ZNF737: variants seen among roughly 807,000 people sequenced by gnomAD.
ZNF737 encodes the protein zinc finger protein 737.
A neutral mutation model predicts 11.7 loss-of-function variants in ZNF737; 13 were observed. That is an observed-to-expected ratio of 1.11 (90% CI 0.73 to 1.77). The LOEUF (loss-of-function observed/expected upper bound fraction) is 1.77. Among genes scored for constraint, ZNF737 ranks in the 40% most tolerant of loss-of-function variants. The probability of loss-of-function intolerance (pLI) is 0.00; values close to 1 mark genes in which losing one functional copy is unlikely to be tolerated. For missense variants in ZNF737, 636 were observed against 638.0 expected, an observed-to-expected ratio of 1.00 and a Z score of 0.03; for synonymous variants, 217 against 216.2, an observed-to-expected ratio of 1.00 and a Z score of -0.03.
Position 20,553,695 on chromosome 19 carries a change from A to C in ZNF737, c.130+14T>G. ...TTGTGTATATTATGAATTATGTATT[A>C]AAGTTTTTCTCACCAAGGAAGACCA... On this transcript the variant is annotated intron_variant, in intron 2 of 3. Coordinates refer to ENST00000427401, the MANE Select transcript of ZNF737 (RefSeq NM_001159293.2). 3.1e-6 allele frequency: 5 copies of C among 1,611,044 alleles called. No homozygotes were observed. The highest frequency in any genetic ancestry group is 4.2e-6 in the Non-Finnish European group (5 of 1,178,068).
rs1555754878 is a variant in ZNF737 at position 20,540,584 on chromosome 19, C to T, written c.*4008G>A. Among the ~76,000 whole-genome samples, 1 of 152,056 alleles carries T rather than the reference C, an allele frequency of 6.6e-6. No individual in the cohort carries two copies. Among genetic ancestry groups the T allele is most frequent in the African/African-American group, 2.4e-5 (1 of 41,412 alleles). On this transcript the variant is annotated 3_prime_UTR_variant, in exon 4 of 4. Transcript: ENST00000427401. Reference sequence around the variant, plus strand: ...GACCAGCCTGGCCAACATGATGAAACCCTGTCTCTACTAAAAATACAAAAA... The same window carrying T: ...GACCAGCCTGGCCAACATGATGAAATCCTGTCTCTACTAAAAATACAAAAA...
downstream of ZNF737, among the ~76,000 whole-genome samples, chr19:20,533,949 C>G (rs75962983): frequency 1.0e-3 from 154 of 150,152 alleles, 9 homozygotes; most frequent in African/African-American, 3.6e-3. Flanking sequence ...CTGTGCTAAA[C>G]TAATGGGCTC....
chr19:20,553,708 C>T lies in ZNF737; in HGVS notation c.130+1G>A. 6.2e-7 allele frequency: 1 copy of T among 1,613,294 alleles called. No individual in the cohort carries two copies. The highest frequency in any genetic ancestry group is 1.3e-5 in the African/African-American group (1 of 75,006). ...GAATTATGTATTAAAGTTTTTCTCA[C>T]CAAGGAAGACCAGGTTTCTGTAGTT... On this transcript the variant is annotated splice_donor_variant, in intron 2 of 3. Transcript: ENST00000427401. LOFTEE classifies it high-confidence loss of function.
Position 20,539,931 on chromosome 19 carries a change from T to C in ZNF737, c.*4661A>G. On this transcript the variant is annotated 3_prime_UTR_variant, in exon 4 of 4. Coordinates refer to ENST00000427401, the MANE Select transcript of ZNF737 (RefSeq NM_001159293.2). ...CAGCTTACTAAATACTGTTCCATAATGCCAGTGAGCACTTTTACCCAGGTT... is the reference window on the plus strand; with the variant it reads ...CAGCTTACTAAATACTGTTCCATAACGCCAGTGAGCACTTTTACCCAGGTT... The C allele has an allele frequency of 1.0e-6, 1 of 984,204 alleles. No individual in the cohort carries two copies. The allele number at this position is 984,204 out of a possible 1,614,324, so 61.0% of individuals were successfully genotyped here. A position where few individuals can be genotyped will look rare whatever the true frequency, so the allele number is the denominator to read the frequency against.
At chr19:20,553,061 G>T (rs1454903488) in intron 2 of ZNF737, among the ~76,000 whole-genome samples, 1 of 151,302 alleles carries the variant, frequency 6.6e-6, no homozygotes, top group African/African-American at 2.4e-5. Flanking sequence ...CTTTCAATTT[G>T]TAGGTTTCTT....
chr19:20,537,547 T>C (rs1388244928), downstream of ZNF737, among the ~76,000 whole-genome samples: 1 of 115,658 alleles, frequency 8.6e-6, no homozygotes, highest in Non-Finnish European at 1.7e-5. Context: ...AGACAGAGTC[T>C]CATCTGTCGC....
downstream of ZNF737, among the ~76,000 whole-genome samples, chr19:20,533,042 C>A (rs2122430009): frequency 6.7e-6 from 1 of 150,114 alleles, no homozygotes; most frequent in Middle Eastern, 3.6e-3. Context: ...AATAAGTATT[C>A]TCATATTTAG....
At chr19:20,534,664 C>T (rs541307499), downstream of ZNF737, among the ~76,000 whole-genome samples, 8 of 149,876 alleles carry the variant, frequency 5.3e-5, 1 homozygote, top group African/African-American at 2.0e-4. Flanking sequence ...TTATACATAT[C>T]AAAAAATCTA....
downstream of ZNF737, among the ~76,000 whole-genome samples, chr19:20,534,723 T>C (rs1967916904): frequency 6.7e-6 from 1 of 149,852 alleles, no homozygotes; most frequent in Non-Finnish European, 1.5e-5. Flanking sequence ...TGTGTTAAAC[T>C]TCACGAGATT....
downstream of ZNF737, among the ~76,000 whole-genome samples, chr19:20,534,610 A>G (rs1555753495): frequency 6.7e-6 from 1 of 150,162 alleles, no homozygotes; most frequent in Non-Finnish European, 1.5e-5. Context: ...CTTGTAAATA[A>G]TGTTGTCAGT....
intron 1 of ZNF737, among the ~76,000 whole-genome samples, chr19:20,554,136 C>T (rs1428895909): frequency 6.6e-6 from 1 of 152,118 alleles, no homozygotes; most frequent in Non-Finnish European, 1.5e-5. Flanking sequence ...ATGGAATGAG[C>T]TGTGAATATT....
chr19:20,538,710 C>T lies in ZNF737; in HGVS notation c.*5882G>A. 1 of 985,364 alleles carries T rather than the reference C, an allele frequency of 1.0e-6. No homozygotes were observed. Among genetic ancestry groups the T allele is most frequent in the Non-Finnish European group, 1.2e-6 (1 of 829,922 alleles). The allele number at this position is 985,364 out of a possible 1,614,324, so 61.0% of individuals were successfully genotyped here. On this transcript the variant is annotated 3_prime_UTR_variant, in exon 4 of 4. Transcript: ENST00000427401. Reference sequence around the variant, plus strand: ...TCTGTAAAGAGACAGTAAGGAAATGCTGAGTGGAGGCACCACACTGCACAT... The same window carrying T: ...TCTGTAAAGAGACAGTAAGGAAATGTTGAGTGGAGGCACCACACTGCACAT...
At position 20,545,973 on chromosome 19, in the gene ZNF737, G is replaced by T; in HGVS notation, c.230C>A (p.Thr77Lys). Residue 77 changes from threonine to lysine, a missense_variant, in exon 4 of 4, where the codon ACG (threonine) becomes AAG (lysine). By Grantham distance (78) the Thr-to-Lys change is moderately conservative. Transcript: ENST00000427401. ...AAGATCTCGGGCAAAATGAGAACACGTAACTGAAAGAAACAATAAAAGCAC... is the reference window on the plus strand; with the variant it reads ...AAGATCTCGGGCAAAATGAGAACACTTAACTGAAAGAAACAATAAAAGCAC... Reference protein sequence around the residue: ...KHEMVANPSVTCSHFARDLWP... With the variant: ...KHEMVANPSVKCSHFARDLWP... 1.9e-6 allele frequency: 3 copies of T among 1,539,046 alleles called. No individual in the cohort carries two copies. The highest frequency in any genetic ancestry group is 2.3e-5 in the East Asian group (1 of 44,420).
rs191952380 is a variant in ZNF737 at position 20,544,437 on chromosome 19, T to C, written c.*155A>G. 2.0e-5 allele frequency: 30 copies of C among 1,466,084 alleles called. 1 individual carries two copies. In the East Asian group the frequency reaches 7.0e-4, roughly 34 times the overall value. The allele number at this position is 1,466,084 out of a possible 1,614,324, so 90.8% of individuals were successfully genotyped here. A position where few individuals can be genotyped will look rare whatever the true frequency, so the allele number is the denominator to read the frequency against. On this transcript the variant is annotated 3_prime_UTR_variant, in exon 4 of 4. Transcript: ENST00000427401. Reference sequence around the variant, plus strand: ...GCATTTTCTTATTTGTTGGGTTTCTTTCCCGCATGAATTATCTAATGTCTA... The same window carrying C: ...GCATTTTCTTATTTGTTGGGTTTCTCTCCCGCATGAATTATCTAATGTCTA...
In ZNF737 at chr19:20,541,350, TAA is replaced by T. The variant is rs1483403411; in HGVS notation, c.*3240_*3241del. On this transcript the variant is annotated 3_prime_UTR_variant, in exon 4 of 4. Coordinates refer to ENST00000427401, the MANE Select transcript of ZNF737 (RefSeq NM_001159293.2). ...TATTTAACTCTATGTAAATTAAAAC[TAA>T]AAGTCTATGTGTTTGCAGGCAGAGA... is the stretch of plus-strand genomic sequence containing the variant. 28 of 983,832 alleles carry T rather than the reference TAA, an allele frequency of 2.8e-5. No homozygotes were observed. Among genetic ancestry groups the T allele is most frequent in the Non-Finnish European group, 3.4e-5 (28 of 828,618 alleles). The allele number at this position is 983,832 out of a possible 1,614,324, so 60.9% of individuals were successfully genotyped here. A position where few individuals can be genotyped will look rare whatever the true frequency, so the allele number is the denominator to read the frequency against.
At chr19:20,554,735 G>A (rs2545953) in intron 1 of ZNF737, among the ~76,000 whole-genome samples, 76,472 of 151,988 alleles carry the variant, frequency 0.5, 19,718 homozygotes, top group East Asian at 0.62. Flanking sequence ...GATAACTCCT[G>A]TGTTCTGTAA....
At chr19:20,557,058 G>T (rs1333244791) in intron 1 of ZNF737, among the ~76,000 whole-genome samples, 2 of 152,148 alleles carry the variant, frequency 1.3e-5, no homozygotes, top group African/African-American at 4.8e-5. Context: ...AAAGAAAGAG[G>T]TTAATGTAGT....
chr19:20,532,434 T>C (rs1489670053), downstream of ZNF737, among the ~76,000 whole-genome samples: 1 of 149,928 alleles, frequency 6.7e-6, no homozygotes, highest in Non-Finnish European at 1.5e-5. Context: ...ATGTGACTCA[T>C]TTTGTGTGTA....
Position 20,538,584 on chromosome 19 carries a change from AAAATT to A in ZNF737, c.*6003_*6007del. On this transcript the variant is annotated 3_prime_UTR_variant, in exon 4 of 4. Coordinates refer to ENST00000427401, the MANE Select transcript of ZNF737 (RefSeq NM_001159293.2). ...AAAAGTAAAAATGGCCTTGCTAAGA[AAAATT>A]AAATTTATTTTCAAGTGCTATTTCT... 1 of 957,634 alleles carries A rather than the reference AAAATT, an allele frequency of 1.0e-6. No individual in the cohort carries two copies. Among genetic ancestry groups the A allele is most frequent in the Non-Finnish European group, 1.2e-6 (1 of 804,664 alleles). 59.3% of individuals were successfully genotyped at this position (957,634 alleles called of 1,614,324 possible).
Sources: allele counts gnomAD v4.1 joint callset (sites outside exome capture counted in the v4.1 genomes callset), GRCh38; gene constraint gnomAD v4.1.1; transcripts MANE v1.5; gene names NCBI Gene and HGNC (gene_info 2026-07-23, HGNC 2026-07-21).